Variants in PAX3 observed in about 807,000 individuals in gnomAD.
The protein encoded by PAX3 is paired box protein Pax-3.
In PAX3, 14 loss-of-function variants were observed where a neutral mutation model predicts 51.6. The ratio of observed to expected loss-of-function variants is 0.27; its 90% CI spans 0.18 to 0.42. PAX3 has a LOEUF of 0.42. PAX3 is among the 10% of genes least tolerant of loss of function. The pLI is 1.00. For missense variants in PAX3, 540 were observed against 642.8 expected (o/e 0.84, Z 1.73); for synonymous variants, 280 against 253.4 (o/e 1.11, Z -1.00).
intron 7 of PAX3, among the ~76,000 whole-genome samples, chr2:222,218,195 G>A (rs367581149): frequency 1.8e-4 from 27 of 152,188 alleles, no homozygotes; most frequent in South Asian, 6.2e-4. Context: ...GGAATTTTCC[G>A]TTGCTTAGTA....
intron 4 of PAX3, among the ~76,000 whole-genome samples, chr2:222,260,135 A>G (rs1693785156): frequency 6.6e-6 from 1 of 152,200 alleles, no homozygotes; most frequent in African/African-American, 2.4e-5. Context: ...TCAGTCTCCC[A>G]AAGTGCTGGG....
chr2:222,250,130 T>C (rs1559285315), intron 4 of PAX3, among the ~76,000 whole-genome samples: 1 of 152,174 alleles, frequency 6.6e-6, no homozygotes, highest in East Asian at 1.9e-4. Flanking sequence ...CTTATGAGCG[T>C]GATTGCACCC....
intron 4 of PAX3, among the ~76,000 whole-genome samples, chr2:222,254,420 A>G (rs1215206001): frequency 2.0e-5 from 3 of 151,878 alleles, no homozygotes; most frequent in South Asian, 2.1e-4. Context: ...CATCACACAT[A>G]TAAGGTTACC....
intron 1 of PAX3, among the ~76,000 whole-genome samples, chr2:222,297,869 G>T (rs1695389463): frequency 6.6e-6 from 1 of 152,180 alleles, no homozygotes; most frequent in African/African-American, 2.4e-5. Context: ...TGGCGGGGGC[G>T]ATGAGCATCT....
At chr2:222,257,163 T>C (rs1452317653) in intron 4 of PAX3, among the ~76,000 whole-genome samples, 1 of 152,166 alleles carries the variant, frequency 6.6e-6, no homozygotes, top group Non-Finnish European at 1.5e-5. Context: ...TGCCTTGCTC[T>C]TAGCAGGGAC....
chr2:222,206,976 A>G (rs1039485518), intron 7 of PAX3, among the ~76,000 whole-genome samples: 1 of 152,146 alleles, frequency 6.6e-6, no homozygotes, highest in Non-Finnish European at 1.5e-5. Flanking sequence ...TTTAACATTT[A>G]ACATACACAT....
chr2:222,236,162 GA>G (rs1204370513), intron 4 of PAX3, among the ~76,000 whole-genome samples: 2 of 152,300 alleles, frequency 1.3e-5, no homozygotes, highest in East Asian at 3.9e-4. Context: ...TCTAAACATG[GA>G]AATACTACTA....
chr2:222,264,649 T>C (rs1693980023), intron 4 of PAX3: 1 of 151,942 alleles, frequency 6.6e-6, no homozygotes, highest in South Asian at 2.1e-4. Flanking sequence ...AGAAAAAAAA[T>C]AATTTGTAAC....
At position 222,294,218 on chromosome 2, in the gene PAX3, C is replaced by T. The variant is rs1695164015; in HGVS notation, c.535G>A (p.Glu179Lys). 6.2e-7 allele frequency: 1 copy of T among 1,614,164 alleles called. No individual in the cohort carries two copies. The highest frequency in any genetic ancestry group is 8.5e-7 in the Non-Finnish European group (1 of 1,180,060). ...CTGTGTTTGGCCTTCTTCTCGCTTT[C>T]CTCTGCCTCCTTCCTCTCCAAGTCG... ...EADLERKEAEESEKKAKHSID... is the reference protein window; with the variant it reads ...EADLERKEAEKSEKKAKHSID... The change falls in exon 4 of 9, where the codon GAA becomes AAA. Residue 179 changes from glutamate (E) to lysine (K), a missense_variant. This residue lies in a region of PAX3 where 427 missense variants were observed against 483.6 expected (regional missense o/e 0.88). Coordinates refer to ENST00000392070, the MANE Select transcript of PAX3 (RefSeq NM_181458.4).
chr2:222,293,469 G>A (rs1574762370), intron 4 of PAX3, among the ~76,000 whole-genome samples: 1 of 152,058 alleles, frequency 6.6e-6, no homozygotes, highest in African/African-American at 2.4e-5. Flanking sequence ...GTGCACAGCC[G>A]AAAAGGAATG....
intron 4 of PAX3, among the ~76,000 whole-genome samples, chr2:222,257,976 A>G (rs1223804711): frequency 6.6e-6 from 1 of 152,184 alleles, no homozygotes; most frequent in East Asian, 1.9e-4. Flanking sequence ...AGGAAGGAAA[A>G]AAGAACTGCT....
chr2:222,243,036 C>A (rs1693078103), intron 4 of PAX3, among the ~76,000 whole-genome samples: 2 of 152,072 alleles, frequency 1.3e-5, no homozygotes, highest in Admixed American at 1.3e-4. Context: ...AGGTAGAAAA[C>A]AAAAGAATTC....
At chr2:222,221,055 T>C (rs970374582) in intron 6 of PAX3, among the ~76,000 whole-genome samples, 167 bp downstream of exon 6, 2 of 152,242 alleles carry the variant, frequency 1.3e-5, no homozygotes, top group African/African-American at 2.4e-5. Flanking sequence ...TGATACATCA[T>C]AGAACAAACT....
At chr2:222,208,706 G>A (rs1312714125) in intron 7 of PAX3, among the ~76,000 whole-genome samples, 1 of 152,148 alleles carries the variant, frequency 6.6e-6, no homozygotes, top group African/African-American at 2.4e-5. Context: ...TCCAGTCTGA[G>A]AACATGACTG....
intron 4 of PAX3, among the ~76,000 whole-genome samples, chr2:222,237,237 A>C (rs1275235076): frequency 1.3e-5 from 2 of 151,920 alleles, no homozygotes; most frequent in Non-Finnish European, 2.9e-5. Context: ...CTAGAATTTG[A>C]CCCAGATCTA....
At chr2:222,226,471 A>C (rs1295523195) in intron 5 of PAX3, among the ~76,000 whole-genome samples, 3 of 151,932 alleles carry the variant, frequency 2.0e-5, no homozygotes, top group Non-Finnish European at 4.4e-5. Context: ...ACACACACAA[A>C]AGCACACTCA....
intron 4 of PAX3, among the ~76,000 whole-genome samples, chr2:222,290,519 T>C (rs1431573937): frequency 2.0e-5 from 3 of 152,216 alleles, no homozygotes; most frequent in East Asian, 1.9e-4. Context: ...GAAAGTCTTA[T>C]GAGAGTGTAT....
intron 4 of PAX3, among the ~76,000 whole-genome samples, chr2:222,284,612 CGTGTGT>C (rs71053066): frequency 0.3 from 45,543 of 150,022 alleles, 7,221 homozygotes; most frequent in South Asian, 0.53. Context: ...TGTCTGTGTG[CGTGTGT>C]GTGTGTGTGT....
At chr2:222,243,435 C>A (rs1462814547) in intron 4 of PAX3, among the ~76,000 whole-genome samples, 7 of 152,118 alleles carry the variant, frequency 4.6e-5, no homozygotes, top group African/African-American at 1.2e-4. Flanking sequence ...ACTAGGGATG[C>A]AAATATGAAT....
Sources: gnomAD v4.1 joint callset for allele counts (sites outside exome capture counted in the v4.1 genomes callset) on GRCh38, gnomAD v4.1.1 for gene constraint, gnomAD v4.1.1 regional missense constraint, MANE v1.5 for transcripts, NCBI Gene and HGNC (gene_info 2026-07-23, HGNC 2026-07-21) for gene names.